The following FAR2 variants were observed in gnomAD, a reference collection of about 807,000 sequenced individuals.
FAR2 encodes epididymis secretory protein Li 81.
A neutral mutation model predicts 56.0 loss-of-function variants in FAR2; 19 were observed. That is an observed-to-expected ratio of 0.34 (90% CI 0.24 to 0.50). The LOEUF is 0.50. FAR2 is among the 20% of genes least tolerant of loss of function. FAR2 has a pLI of 0.98. For missense variants in FAR2, 508 were observed against 642.2 expected (o/e 0.79, Z 2.26); for synonymous variants, 219 against 218.8 (o/e 1.00, Z -0.01).
At chr12:29,310,943 G>C in intron 6 of FAR2, 85 bp from the exon 7 acceptor site, 1 of 987,284 alleles carries the variant, frequency 1.0e-6, no homozygotes, top group Admixed American at 1.7e-5. Flanking sequence ...TATTGCACTA[G>C]TATAACCAGT....
intron 2 of FAR2, among the ~76,000 whole-genome samples, chr12:29,286,175 A>G (rs2136736174): frequency 6.6e-6 from 1 of 152,274 alleles, no homozygotes; most frequent in African/African-American, 2.4e-5. Context: ...TTTTCCTATT[A>G]TTAGGGAACT....
chr12:29,260,079 TTAATG>T (rs1948390290), intron 1 of FAR2, among the ~76,000 whole-genome samples: 1 of 152,212 alleles, frequency 6.6e-6, no homozygotes, highest in East Asian at 1.9e-4. Context: ...TAAAAAATAA[TTAATG>T]TAATTATTTT....
intron 1 of FAR2, among the ~76,000 whole-genome samples, chr12:29,253,279 C>T (rs1262707722): frequency 4.4e-5 from 1 of 22,580 alleles, no homozygotes; most frequent in African/African-American, 1.6e-4. Flanking sequence ...ATCTATATAT[C>T]GATATCTATA....
chr12:29,240,523 T>TG (rs1260331727), intron 1 of FAR2, among the ~76,000 whole-genome samples: 2 of 149,986 alleles, frequency 1.3e-5, no homozygotes, highest in Non-Finnish European at 3.0e-5. Flanking sequence ...AATGGGTTGT[T>TG]TTTTTTTTAA....
At chr12:29,297,875 A>G (rs980913897) in intron 4 of FAR2, among the ~76,000 whole-genome samples, 2 of 151,714 alleles carry the variant, frequency 1.3e-5, no homozygotes, top group African/African-American at 4.8e-5. Context: ...AATTAGCTGG[A>G]TGTGGTGGCA....
intron 1 of FAR2, among the ~76,000 whole-genome samples, chr12:29,218,759 A>G (rs1475628482): frequency 6.6e-6 from 1 of 152,234 alleles, no homozygotes; most frequent in Non-Finnish European, 1.5e-5. Flanking sequence ...TAGAAGGGGA[A>G]AAAGTTATAT....
intron 1 of FAR2, among the ~76,000 whole-genome samples, chr12:29,174,782 C>T (rs1949921077): frequency 6.6e-6 from 1 of 152,100 alleles, no homozygotes. Context: ...GTTTGTCTGA[C>T]AGGCGTTAGG....
rs1473059046 is a variant in FAR2 at position 29,297,173 on chromosome 12, A to G, written c.518A>G (p.Glu173Gly). ...IDEVIYPCPV[E>G]PKKIIDSLEW... The stretch of plus-strand genomic sequence containing the variant: ...GAAGTTATCTATCCGTGCCCTGTGG[A>G]GCCAAAAAAAATCATTGATTCCCTT... The change falls in exon 4 of 12, where the codon GAG (glutamate) becomes GGG (glycine). Residue 173 changes from glutamate to glycine, a missense_variant. Physicochemically the swap from Glu to Gly is moderately conservative, Grantham distance 98. Coordinates refer to ENST00000536681, the MANE Select transcript of FAR2 (RefSeq NM_001271783.2). 1.2e-6 allele frequency: 2 copies of G among 1,612,136 alleles called. No individual in the cohort carries two copies. The highest frequency in any genetic ancestry group is 1.7e-5 in the Admixed American group (1 of 59,602).
intron 10 of FAR2, among the ~76,000 whole-genome samples, chr12:29,332,302 A>C: frequency 6.6e-6 from 1 of 152,226 alleles, no homozygotes; most frequent in East Asian, 1.9e-4. Context: ...TAGCTGAAAT[A>C]TATACCAAGC....
At chr12:29,178,740 A>G (rs1326470837) in intron 1 of FAR2, among the ~76,000 whole-genome samples, 2 of 152,238 alleles carry the variant, frequency 1.3e-5, no homozygotes, top group African/African-American at 2.4e-5. Flanking sequence ...TACATTAGAG[A>G]ACTTATTCAA....
chr12:29,270,583 G>A lies in FAR2; in HGVS notation c.134G>A (p.Arg45Lys), dbSNP rs760721714. 6.2e-7 allele frequency: 1 copy of A among 1,614,040 alleles called. No homozygotes were observed. Among genetic ancestry groups the A allele is most frequent in the South Asian group, 1.1e-5 (1 of 91,052 alleles). ...PDLKVIYILVRPKAGQTLQQR... is the reference protein window; with the variant it reads ...PDLKVIYILVKPKAGQTLQQR... ...CTGAAAGTCATTTACATCCTTGTGA[G>A]GCCCAAGGCTGGCCAGACACTGCAG... Residue 45 changes from arginine to lysine, a missense_variant, in exon 2 of 12, where the codon AGG (arginine) becomes AAG (lysine). By Grantham distance (26) the Arg-to-Lys change is conservative. Transcript: ENST00000536681.
At chr12:29,278,863 T>A (rs1948743083) in intron 2 of FAR2, among the ~76,000 whole-genome samples, 1 of 152,206 alleles carries the variant, frequency 6.6e-6, no homozygotes, top group Non-Finnish European at 1.5e-5. Flanking sequence ...TGGAGACTCC[T>A]AAGCACTCAG....
intron 1 of FAR2, among the ~76,000 whole-genome samples, chr12:29,173,384 G>A (rs1949906469): frequency 6.6e-6 from 1 of 152,086 alleles, no homozygotes; most frequent in Non-Finnish European, 1.5e-5. Context: ...TAGGATATGG[G>A]GATAAGCTGA....
intron 1 of FAR2, among the ~76,000 whole-genome samples, chr12:29,234,389 C>T (rs1947903941): frequency 6.6e-6 from 1 of 152,118 alleles, no homozygotes; most frequent in African/African-American, 2.4e-5. Context: ...CCTCTTCAGC[C>T]TCACCTTCTA....
At chr12:29,288,962 C>T (rs1948916445) in intron 2 of FAR2, among the ~76,000 whole-genome samples, 1 of 151,846 alleles carries the variant, frequency 6.6e-6, no homozygotes. Context: ...AATTAAATAC[C>T]TAGGAATTAA....
chr12:29,173,616 T>C (rs917043374), intron 1 of FAR2, among the ~76,000 whole-genome samples: 4 of 152,104 alleles, frequency 2.6e-5, no homozygotes, highest in Non-Finnish European at 5.9e-5. Context: ...GAAAAAAATG[T>C]GTTGCCTCTT....
At chr12:29,270,283 G>T (rs1030897900) in intron 1 of FAR2, 129 bp from the exon 2 acceptor site, 1 of 582,464 alleles carries the variant, frequency 1.7e-6, no homozygotes, top group Non-Finnish European at 2.9e-6. Flanking sequence ...TAAAAGCCAC[G>T]ATGCTCTCAC....
chr12:29,322,408 A>G (rs1029251151), intron 10 of FAR2, among the ~76,000 whole-genome samples: 4 of 152,112 alleles, frequency 2.6e-5, no homozygotes. Context: ...CCCTACACCT[A>G]TGCACTCTGC....
chr12:29,265,104 A>G (rs1948491923), intron 1 of FAR2, among the ~76,000 whole-genome samples: 1 of 152,230 alleles, frequency 6.6e-6, no homozygotes, highest in South Asian at 2.1e-4. Context: ...ATACTATGCA[A>G]AGCAATCTAC....
Sources: gnomAD v4.1 joint callset for allele counts (sites outside exome capture counted in the v4.1 genomes callset) on GRCh38, gnomAD v4.1.1 for gene constraint, MANE v1.5 for transcripts, NCBI Gene and HGNC (gene_info 2026-07-23, HGNC 2026-07-21) for gene names.